TMEM132B: variants seen among roughly 807,000 people sequenced by gnomAD.
TMEM132B encodes the protein transmembrane protein 132B.
TMEM132B carries 18 observed loss-of-function variants against 90.8 expected under a neutral mutation model. That is an observed-to-expected ratio of 0.20 (90% CI 0.14 to 0.29). The LOEUF (loss-of-function observed/expected upper bound fraction) is 0.29, where lower values mean the gene tolerates loss of function less well. Among genes scored for constraint, TMEM132B ranks in the 10% least tolerant of loss-of-function variants. TMEM132B has a pLI of 1.00. For synonymous variants in TMEM132B, 504 were observed against 523.3 expected, an observed-to-expected ratio of 0.96 and a Z score of 0.50; for missense variants, 1,096 against 1,326.8, an observed-to-expected ratio of 0.83 and a Z score of 2.70.
chr12:125,596,293 C>T (rs1173162294), intron 5 of TMEM132B, among the ~76,000 whole-genome samples: 1 of 152,282 alleles, frequency 6.6e-6, no homozygotes, highest in Middle Eastern at 3.4e-3. Context: ...TGAGCCTTCT[C>T]AGGGGGTAGA....
chr12:125,288,663 G>A (rs1875441490), intron 1 of TMEM132B, among the ~76,000 whole-genome samples: 1 of 151,838 alleles, frequency 6.6e-6, no homozygotes, highest in African/African-American at 2.4e-5. Flanking sequence ...TTTTTTCTTG[G>A]CATTTGGGGT....
intron 3 of TMEM132B, among the ~76,000 whole-genome samples, chr12:125,505,842 AGGGCCTCAGGGCCC>A (rs1459232110): frequency 2.6e-5 from 4 of 152,236 alleles, no homozygotes; most frequent in Non-Finnish European, 5.9e-5. Context: ...GTTAATTAAA[AGGGCCTCAGGGCCC>A]TGTGTGACGA....
intron 3 of TMEM132B, among the ~76,000 whole-genome samples, chr12:125,454,868 C>T (rs1189909598): frequency 6.6e-6 from 1 of 152,216 alleles, no homozygotes. Flanking sequence ...AAGTGCTATG[C>T]ACTGATACTT....
At chr12:125,419,012 T>C (rs894790228) in intron 3 of TMEM132B, among the ~76,000 whole-genome samples, 1 of 152,210 alleles carries the variant, frequency 6.6e-6, no homozygotes, top group African/African-American at 2.4e-5. Context: ...AGGTTGTTCT[T>C]TGAATGATTC....
intron 5 of TMEM132B, among the ~76,000 whole-genome samples, chr12:125,596,754 GTA>G (rs1342956167): frequency 6.6e-6 from 1 of 152,182 alleles, no homozygotes; most frequent in Non-Finnish European, 1.5e-5. Flanking sequence ...ACTCCCAAGA[GTA>G]TATGTTTCCG....
intron 1 of TMEM132B, among the ~76,000 whole-genome samples, chr12:125,268,140 G>A (rs1446201700): frequency 1.3e-5 from 2 of 152,236 alleles, no homozygotes; most frequent in Non-Finnish European, 1.5e-5. Flanking sequence ...GGGAGATGGT[G>A]TTATCCTCTG....
chr12:125,333,085 C>T (rs1593089159), intron 1 of TMEM132B, among the ~76,000 whole-genome samples: 1 of 152,172 alleles, frequency 6.6e-6, no homozygotes, highest in Non-Finnish European at 1.5e-5. Flanking sequence ...CTGAAGACTG[C>T]GGGAGGCGCT....
Position 125,186,511 on chromosome 12 carries a change from G to GGT in TMEM132B, c.-289_-288insGT. On this transcript the variant is annotated 5_prime_UTR_variant, in exon 1 of 9. It introduces an in-frame stop codon into an upstream open reading frame of the 5' UTR. Transcript: ENST00000682704. This position sits in a 1 kb window ranked among gnomAD's most constrained non-coding sequence, Gnocchi z 6.3. ...AGCCGCGGCGGCGGCGGCGGCGGGG[G>GGT]CCGCGCAACTCGGGCCAACTGCGGG... 6.8e-6 allele frequency among the ~76,000 whole-genome samples: 1 copy of GGT among 146,560 alleles called. No homozygotes were observed.
intron 1 of TMEM132B, among the ~76,000 whole-genome samples, chr12:125,272,064 C>T (rs373720331): frequency 1.3e-5 from 2 of 152,200 alleles, no homozygotes; most frequent in East Asian, 3.9e-4. Flanking sequence ...TGTCTCCCGT[C>T]TAACAAGGGC....
intron 1 of TMEM132B, among the ~76,000 whole-genome samples, chr12:125,238,366 C>CA (rs762032967): frequency 0.24 from 26,487 of 109,252 alleles, 2,320 homozygotes; most frequent in Non-Finnish European, 0.27. Context: ...AAAAAAAAAC[C>CA]AAAAAAAAAA....
At chr12:125,522,065 C>T (rs1018717536) in intron 4 of TMEM132B, among the ~76,000 whole-genome samples, 2 of 152,196 alleles carry the variant, frequency 1.3e-5, no homozygotes, top group East Asian at 3.9e-4. Context: ...TCTCGTTCCT[C>T]TCAGGTCTCC....
At chr12:125,564,181 A>G (rs1002484069) in intron 4 of TMEM132B, among the ~76,000 whole-genome samples, 2 of 152,230 alleles carry the variant, frequency 1.3e-5, no homozygotes, top group African/African-American at 4.8e-5. Flanking sequence ...AACACTATTC[A>G]TGAGAGCGAG....
intron 2 of TMEM132B, among the ~76,000 whole-genome samples, chr12:125,393,535 T>C (rs1314081311): frequency 1.3e-5 from 2 of 151,836 alleles, no homozygotes; most frequent in Non-Finnish European, 2.9e-5. Flanking sequence ...ATTATCCAGA[T>C]AATTGGGGGT....
Position 125,490,936 on chromosome 12 carries a change from G to A in TMEM132B, c.1107-28503G>A, listed in dbSNP as rs145955960. On this transcript the variant is annotated intron_variant, in intron 3 of 8. Coordinates refer to ENST00000682704, the MANE Select transcript of TMEM132B (RefSeq NM_001366854.1). This position sits in a 1 kb window ranked among gnomAD's most constrained non-coding sequence, Gnocchi z 4.2. ...GAGGAAGTTAGCTACCATGGTGTAA[G>A]GACACTCAAGCAGCTTTATGGAGAG... is the stretch of plus-strand genomic sequence containing the variant. 2.3e-4 allele frequency among the ~76,000 whole-genome samples: 35 copies of A among 152,288 alleles called. No homozygotes were observed. Among genetic ancestry groups the A allele is most frequent in the Non-Finnish European group, 4.1e-4 (28 of 68,030 alleles).
intron 1 of TMEM132B, among the ~76,000 whole-genome samples, chr12:125,304,947 G>C (rs1875922869): frequency 6.6e-6 from 1 of 152,160 alleles, no homozygotes; most frequent in African/African-American, 2.4e-5. Flanking sequence ...GTGTTGGGAG[G>C]TCATTGTTCT....
chr12:125,655,405 C>G lies in TMEM132B; in HGVS notation c.*695C>G, dbSNP rs369362242. On this transcript the variant is annotated 3_prime_UTR_variant, in exon 9 of 9. Transcript: ENST00000682704. The stretch of plus-strand genomic sequence containing the variant: ...TCATCTAGGGATGGTATCCAAGAAG[C>G]TTATTCTCACTTTGTTTTTTCCTTC... The G allele has an allele frequency of 7.2e-5, 11 of 152,324 alleles. No homozygotes were observed. In the South Asian group the frequency reaches 1.0e-3, roughly 14 times the overall value. The allele number at this position is 152,324 out of a possible 1,614,324, so 9.4% of individuals were successfully genotyped here.
chr12:125,215,335 CAGG>C (rs569385368), intron 1 of TMEM132B, among the ~76,000 whole-genome samples: 49 of 152,340 alleles, frequency 3.2e-4, no homozygotes, highest in Non-Finnish European at 5.7e-4. Flanking sequence ...CAGCTAAAAT[CAGG>C]GTGTCAGCAG....
chr12:125,329,161 G>A (rs1415893801), intron 1 of TMEM132B, among the ~76,000 whole-genome samples: 1 of 152,204 alleles, frequency 6.6e-6, no homozygotes, highest in Non-Finnish European at 1.5e-5. Flanking sequence ...AGAAGTACCA[G>A]CGCTTCCTCC....
chr12:125,339,980 A>G (rs1327669009), intron 1 of TMEM132B, among the ~76,000 whole-genome samples: 1 of 152,258 alleles, frequency 6.6e-6, no homozygotes, highest in African/African-American at 2.4e-5. Context: ...GCTACAATGT[A>G]TTCATATGAG....
Sources: gnomAD v4.1 joint callset for allele counts (sites outside exome capture counted in the v4.1 genomes callset) on GRCh38, gnomAD v4.1.1 for gene constraint, Gnocchi (gnomAD v3.1) non-coding constraint, MANE v1.5 for transcripts, NCBI Gene and HGNC (gene_info 2026-07-23, HGNC 2026-07-21) for gene names.